Variants in DPP6 observed in about 807,000 individuals in gnomAD.
DPP6 encodes the protein dipeptidyl peptidase like 6, also known as A-type potassium channel modulatory protein DPP6.
DPP6 carries 69 observed loss-of-function variants against 122.6 expected under a neutral mutation model. The ratio of observed to expected loss-of-function variants is 0.56; its 90% CI spans 0.46 to 0.69. The LOEUF is 0.69. Ranked by LOEUF, DPP6 falls within the 30% of genes least tolerant of loss-of-function variation. DPP6 has a pLI of 0.00. For synonymous variants in DPP6, 418 were observed against 433.1 expected (o/e 0.97, Z 0.43); for missense variants, 928 against 1,116.9 (o/e 0.83, Z 2.41).
Position 154,033,097 on chromosome 7 carries a change from C to T in DPP6, c.51+145363C>T, listed in dbSNP as rs2129055639. Among the ~76,000 whole-genome samples, 7 of 152,158 alleles carry T rather than the reference C, an allele frequency of 4.6e-5. No homozygotes were observed. In the South Asian group the frequency reaches 1.5e-3, roughly 32 times the overall value. ...ATAGTTCCTGGGTGGTAAGTGATTT[C>T]CCTGTATTATTTCACAAAATCATAA... On this transcript the variant is annotated intron_variant, in intron 1 of 25. Coordinates refer to the DPP6 transcript ENST00000404039.
intron 8 of DPP6, among the ~76,000 whole-genome samples, chr7:154,735,401 A>G (rs1842527244): frequency 6.6e-6 from 1 of 152,254 alleles, no homozygotes; most frequent in Admixed American, 6.5e-5. Flanking sequence ...AAGGGAGGAT[A>G]TGAAAGTAAA....
At chr7:153,862,490 T>C in the DPP6 span, among the ~76,000 whole-genome samples, 1 of 152,354 alleles carries the variant, frequency 6.6e-6, no homozygotes, top group African/African-American at 2.4e-5. Context: ...CAGAGCGGGC[T>C]GATGTTACAG....
chr7:154,176,846 T>A (rs1212718887), intron 1 of DPP6, among the ~76,000 whole-genome samples: 1 of 152,168 alleles, frequency 6.6e-6, no homozygotes, highest in Non-Finnish European at 1.5e-5. Flanking sequence ...TTTCTTTTTC[T>A]TTTTTTATTT....
intron 7 of DPP6, among the ~76,000 whole-genome samples, chr7:154,691,647 G>A (rs1411130599): frequency 3.3e-5 from 5 of 152,028 alleles, no homozygotes; most frequent in East Asian, 1.9e-4. Flanking sequence ...GTGAAACCCC[G>A]TCTCTACTAA....
chr7:154,312,642 G>A (rs1272040723), intron 1 of DPP6, among the ~76,000 whole-genome samples: 2 of 152,158 alleles, frequency 1.3e-5, no homozygotes, highest in East Asian at 3.9e-4. Context: ...GGCGATGGGA[G>A]ACCAGCCAAA....
chr7:153,932,687 T>C (rs1377962496), intron 1 of DPP6, among the ~76,000 whole-genome samples: 1 of 152,140 alleles, frequency 6.6e-6, no homozygotes. Flanking sequence ...AAGAAGATAA[T>C]CTGTTCCACA....
chr7:154,232,351 G>C (rs1800967123), intron 1 of DPP6, among the ~76,000 whole-genome samples: 2 of 152,116 alleles, frequency 1.3e-5, no homozygotes, highest in South Asian at 4.1e-4. Context: ...GAAGCTCAGG[G>C]AGGCAGACTT....
At position 154,060,397 on chromosome 7, in the gene DPP6, C is replaced by A. The variant is rs1393096041; in HGVS notation, c.243+7334C>A. ...CTGGTTCCCCCACTGGCTCTTAGGACCCCCATCGCAGAGGGGGGAGGCACC... is the reference window on the plus strand; with the variant it reads ...CTGGTTCCCCCACTGGCTCTTAGGAACCCCATCGCAGAGGGGGGAGGCACC... On this transcript the variant is annotated intron_variant, in intron 1 of 25. Coordinates refer to ENST00000377770, the MANE Select transcript of DPP6 (RefSeq NM_130797.4). Among the ~76,000 whole-genome samples, 136 of 121,480 alleles carry A rather than the reference C, an allele frequency of 1.1e-3. 5 individuals are homozygous for A. The highest frequency in any genetic ancestry group is 1.7e-3 in the African/African-American group (53 of 30,832). 79.7% of individuals were successfully genotyped at this position (121,480 alleles called of 152,430 possible). A position where few individuals can be genotyped will look rare whatever the true frequency, so the allele number is the denominator to read the frequency against.
chr7:154,228,379 C>T (rs537177696), intron 1 of DPP6, among the ~76,000 whole-genome samples: 48 of 152,168 alleles, frequency 3.2e-4, no homozygotes, highest in Non-Finnish European at 6.6e-4. Context: ...ACTTGATCTA[C>T]AATTTATTTC....
chr7:154,387,202 T>G (rs1029181608), intron 1 of DPP6, among the ~76,000 whole-genome samples: 1 of 152,174 alleles, frequency 6.6e-6, no homozygotes, highest in Admixed American at 6.5e-5. Context: ...ACATCATTCA[T>G]AGAGGCAGAA....
the DPP6 span, among the ~76,000 whole-genome samples, chr7:153,749,946 G>A: frequency 2.0e-5 from 3 of 152,212 alleles, no homozygotes; most frequent in Non-Finnish European, 4.4e-5. The surrounding 1 kb of genome is among the most constrained non-coding windows in gnomAD (Gnocchi z 4.1). Context: ...TCTTATTTTC[G>A]ACACCTATTT....
At chr7:153,866,916 C>T in the DPP6 span, among the ~76,000 whole-genome samples, 222 of 152,102 alleles carry the variant, frequency 1.5e-3, 1 homozygote, top group African/African-American at 5.1e-3. Flanking sequence ...AATCCTTTCC[C>T]CATTGCTTGT....
intron 1 of DPP6, among the ~76,000 whole-genome samples, chr7:154,329,941 C>T (rs1436327925): frequency 3.3e-5 from 5 of 152,154 alleles, no homozygotes; most frequent in Admixed American, 6.5e-5. Context: ...GAAAACCAAA[C>T]ACTGCATGTT....
At chr7:154,754,543 T>C (rs1268229561) in intron 8 of DPP6, among the ~76,000 whole-genome samples, 1 of 152,196 alleles carries the variant, frequency 6.6e-6, no homozygotes, top group Admixed American at 6.5e-5. Context: ...AAATTAAAAA[T>C]GATGATAGGG....
intron 13 of DPP6, among the ~76,000 whole-genome samples, chr7:154,803,633 C>G (rs892021660): frequency 6.6e-6 from 1 of 152,170 alleles, no homozygotes; most frequent in Non-Finnish European, 1.5e-5. Context: ...GGGCACTGTT[C>G]CCACCACTGA....
chr7:154,207,516 C>T (rs747890018), intron 1 of DPP6, among the ~76,000 whole-genome samples: 1 of 152,200 alleles, frequency 6.6e-6, no homozygotes, highest in African/African-American at 2.4e-5. Flanking sequence ...TTATCATTCA[C>T]GGACACCTCT....
intron 7 of DPP6, 68 bp downstream of exon 7, chr7:154,669,509 A>G: frequency 6.5e-7 from 1 of 1,540,464 alleles, no homozygotes; most frequent in Non-Finnish European, 8.7e-7. Flanking sequence ...AGCTGAATGG[A>G]TCTCACTGTA....
chr7:154,211,235 T>A (rs1359066225), intron 1 of DPP6, among the ~76,000 whole-genome samples: 1 of 152,090 alleles, frequency 6.6e-6, no homozygotes, highest in Non-Finnish European at 1.5e-5. Flanking sequence ...CAATGTGGGA[T>A]GGCTGGAGGA....
At chr7:154,485,394 G>T (rs762612682) in intron 3 of DPP6, among the ~76,000 whole-genome samples, 1 of 152,022 alleles carries the variant, frequency 6.6e-6, no homozygotes, top group Non-Finnish European at 1.5e-5. Context: ...GCTCAAGGTC[G>T]CACCTTTCCT....
Sources: allele counts gnomAD v4.1 joint callset (sites outside exome capture counted in the v4.1 genomes callset), GRCh38; gene constraint gnomAD v4.1.1; non-coding constraint Gnocchi (gnomAD v3.1); transcripts MANE v1.5; gene names NCBI Gene and HGNC (gene_info 2026-07-23, HGNC 2026-07-21).